Variants in TSPO observed in about 807,000 individuals in gnomAD.
The protein encoded by TSPO is benzodiazepine peripheral binding site.
In TSPO, 14 loss-of-function variants were observed where a neutral mutation model predicts 13.9. That is an observed-to-expected ratio of 1.01 (90% CI 0.67 to 1.58). The LOEUF is 1.58. TSPO is among the 40% of genes most tolerant of loss of function. TSPO has a pLI of 0.00. For missense variants in TSPO, 232 were observed against 229.6 expected, an observed-to-expected ratio of 1.01 and a Z score of -0.07; for synonymous variants, 114 against 105.9, an observed-to-expected ratio of 1.08 and a Z score of -0.47.
intron 1 of TSPO, among the ~76,000 whole-genome samples, chr22:43,153,418 C>A (rs1339220111): frequency 1.6e-5 from 1 of 64,422 alleles, no homozygotes; most frequent in Non-Finnish European, 3.1e-5. Context: ...GTGGCGCAAT[C>A]TCGGCTCACT....
chr22:43,161,062 T>C lies in TSPO; in HGVS notation c.193T>C (p.Tyr65His), dbSNP rs1931419721. ...TLYSAMGYGS[Y>H]LVWKELGGFT... ...CGGCCTCTGTTTCAGGTACGGCTCC[T>C]ACCTGGTCTGGAAAGAGCTGGGAGG... The change falls in exon 3 of 4, where the codon TAC becomes CAC. Residue 65 changes from tyrosine (Y) to histidine (H), a missense_variant. Coordinates refer to ENST00000337554, the MANE Select transcript of TSPO (RefSeq NM_000714.6). 3.1e-6 allele frequency: 5 copies of C among 1,613,780 alleles called. No homozygotes were observed. The highest frequency in any genetic ancestry group is 3.4e-6 in the Non-Finnish European group (4 of 1,179,804).
Position 43,157,288 on chromosome 22 carries a change from C to T in TSPO, c.-29-1922C>T, listed in dbSNP as rs1297048091. 2.1e-4 allele frequency among the ~76,000 whole-genome samples: 10 copies of T among 46,908 alleles called. No individual in the cohort carries two copies. In the East Asian group the frequency reaches 3.0e-3, roughly 14 times the overall value. The allele number at this position is 46,908 out of a possible 152,430, so 30.8% of individuals were successfully genotyped here. ...GAAGCTGGAGGGCGGGGCAGGAGGG[C>T]GGGGCGGGGCAGGAGGGAGGGGCGG... On this transcript the variant is annotated intron_variant, in intron 1 of 3. Transcript: ENST00000337554.
Position 43,162,959 on chromosome 22 carries a change from G to C in TSPO, c.478G>C (p.Gly160Arg). 6.3e-7 allele frequency: 1 copy of C among 1,594,188 alleles called. No individual in the cohort carries two copies. Among genetic ancestry groups the C allele is most frequent in the Middle Eastern group, 1.7e-4 (1 of 6,024 alleles). ...CTACTGCGTATGGCGGGACAACCAT[G>C]GCTGGCGTGGGGGACGGCGGCTGCC... ...LNYCVWRDNH[G>R]WRGGRRLPE is the part of the protein sequence containing the mutation. The change falls in exon 4 of 4, where the codon GGC becomes CGC. Residue 160 changes from glycine to arginine, a missense_variant. Physicochemically the swap from Gly to Arg is moderately radical, Grantham distance 125. Coordinates refer to ENST00000337554, the MANE Select transcript of TSPO (RefSeq NM_000714.6).
At chr22:43,152,975 T>C (rs954721189) in intron 1 of TSPO, among the ~76,000 whole-genome samples, 2 of 118,040 alleles carry the variant, frequency 1.7e-5, no homozygotes, top group African/African-American at 7.6e-5. Flanking sequence ...GGAGGGAGCC[T>C]ACTTTTCACT....
At chr22:43,154,279 G>A in intron 1 of TSPO, among the ~76,000 whole-genome samples, 1 of 152,148 alleles carries the variant, frequency 6.6e-6, no homozygotes, top group Non-Finnish European at 1.5e-5. Flanking sequence ...GTGCAGCTGG[G>A]GGTCGGGGTG....
At chr22:43,157,276 G>A (rs1330725503) in intron 1 of TSPO, among the ~76,000 whole-genome samples, 4 of 149,362 alleles carry the variant, frequency 2.7e-5, no homozygotes, top group Admixed American at 6.6e-5. Flanking sequence ...GCTGGAGGGC[G>A]GGGCAGGAGG....
rs558045908 is a variant in TSPO at position 43,151,585 on chromosome 22, G to C, written c.-49G>C. 6.6e-6 allele frequency: 1 copy of C among 152,378 alleles called. No homozygotes were observed. Among genetic ancestry groups the C allele is most frequent in the African/African-American group, 2.4e-5 (1 of 41,582 alleles). 9.4% of individuals were successfully genotyped at this position (152,378 alleles called of 1,614,324 possible). A position where few individuals can be genotyped will look rare whatever the true frequency, so the allele number is the denominator to read the frequency against. Reference sequence around the variant, plus strand: ...ACTCCTGCCAGGCAGTGCCCTTCCCGGAGCGTGCCCTCGCCGCTGGTGAGT... The same window carrying C: ...ACTCCTGCCAGGCAGTGCCCTTCCCCGAGCGTGCCCTCGCCGCTGGTGAGT... On this transcript the variant is annotated 5_prime_UTR_variant, in exon 1 of 4. Coordinates refer to ENST00000337554, the MANE Select transcript of TSPO (RefSeq NM_000714.6).
In TSPO at chr22:43,153,156, TTTTG is replaced by T. The variant is rs1253645931; in HGVS notation, c.-30+1565_-30+1568del. Among the ~76,000 whole-genome samples the T allele has an allele frequency of 2.2e-3, 326 of 146,706 alleles. 5 individuals are homozygous for T. The highest frequency in any genetic ancestry group is 8.5e-4 in the Non-Finnish European group (57 of 67,168). On this transcript the variant is annotated intron_variant, in intron 1 of 3. Coordinates refer to ENST00000337554, the MANE Select transcript of TSPO (RefSeq NM_000714.6). The stretch of plus-strand genomic sequence containing the variant: ...TCCCCTTCCTTCCTTCCTTTCTTGT[TTTTG>T]TTTGTTTGTTTGAGACAGGGTCTCA...
chr22:43,159,613 G>T (rs962407442), intron 2 of TSPO, 193 bp downstream of exon 2: 2 of 556,956 alleles, frequency 3.6e-6, no homozygotes, highest in African/African-American at 3.9e-5. Context: ...GGGCCCCTGG[G>T]GGGATGGGTC....
intron 2 of TSPO, 57 bp from the exon 3 acceptor site, chr22:43,160,995 G>A (rs1434328018): frequency 6.4e-7 from 1 of 1,562,776 alleles, no homozygotes; most frequent in African/African-American, 1.4e-5. Context: ...ACTCGGAGGT[G>A]GGCAACGCTC....
chr22:43,155,301 C>A (rs1034302346), intron 1 of TSPO, among the ~76,000 whole-genome samples: 1 of 152,164 alleles, frequency 6.6e-6, no homozygotes, highest in African/African-American at 2.4e-5. Context: ...AAGGCGGTGA[C>A]CGTCGGGATG....
chr22:43,154,156 G>T (rs943015720), intron 1 of TSPO, among the ~76,000 whole-genome samples: 1 of 152,008 alleles, frequency 6.6e-6, no homozygotes, highest in Non-Finnish European at 1.5e-5. Context: ...AATGAAAAAT[G>T]CACACAAAGG....
At chr22:43,152,961 G>T (rs1473542882) in intron 1 of TSPO, among the ~76,000 whole-genome samples, 3 of 111,986 alleles carry the variant, frequency 2.7e-5, no homozygotes, top group African/African-American at 1.2e-4. Flanking sequence ...GCTTGGGCTC[G>T]CAGGGAGGGA....
chr22:43,160,725 A>G (rs558786166), intron 2 of TSPO, among the ~76,000 whole-genome samples: 2 of 152,238 alleles, frequency 1.3e-5, no homozygotes, highest in East Asian at 1.9e-4. Flanking sequence ...CCCATCCTCT[A>G]TGCAGTGCCC....
Position 43,159,404 on chromosome 22 carries a change from C to T in TSPO, c.166C>T (p.Leu56Phe), listed in dbSNP as rs1039261487. 1 of 1,529,688 alleles carries T rather than the reference C, an allele frequency of 6.5e-7. No individual in the cohort carries two copies. The highest frequency in any genetic ancestry group is 8.8e-7 in the Non-Finnish European group (1 of 1,139,050). 94.8% of individuals were successfully genotyped at this position (1,529,688 alleles called of 1,614,324 possible). ...HWVLGPVWGT[L>F]YSAMGYGSYL... ...GGTGCTGGGCCCTGTCTGGGGCACG[C>T]TCTACTCAGCCATGGGGTAGGTGGG... Residue 56 changes from leucine (L) to phenylalanine (F), a missense_variant, in exon 2 of 4, where the codon CTC (leucine) becomes TTC (phenylalanine). Leu to Phe is a conservative substitution (Grantham distance 22). Coordinates refer to ENST00000337554, the MANE Select transcript of TSPO (RefSeq NM_000714.6).
chr22:43,158,435 G>C (rs773783515), intron 1 of TSPO, among the ~76,000 whole-genome samples: 12 of 152,150 alleles, frequency 7.9e-5, no homozygotes, highest in Non-Finnish European at 1.2e-4. Flanking sequence ...GACGACTCCT[G>C]ATTCTCCACC....
Position 43,163,116 on chromosome 22 carries a change from C to G in TSPO, c.*125C>G. 1 of 1,499,716 alleles carries G rather than the reference C, an allele frequency of 6.7e-7. No homozygotes were observed. The highest frequency in any genetic ancestry group is 8.9e-7 in the Non-Finnish European group (1 of 1,124,048). 92.9% of individuals were successfully genotyped at this position (1,499,716 alleles called of 1,614,324 possible). A position where few individuals can be genotyped will look rare whatever the true frequency, so the allele number is the denominator to read the frequency against. On this transcript the variant is annotated 3_prime_UTR_variant, in exon 4 of 4. Coordinates refer to ENST00000337554, the MANE Select transcript of TSPO (RefSeq NM_000714.6). ...GTCAGGGCCTTGGCCCAGGGGTCAG[C>G]AGAGCTTCAGAGGTGGCCCCACCTG...
In TSPO at chr22:43,163,061, C is replaced by A; in HGVS notation, c.*70C>A. 1 of 1,556,968 alleles carries A rather than the reference C, an allele frequency of 6.4e-7. No homozygotes were observed. Among genetic ancestry groups the A allele is most frequent in the Non-Finnish European group, 8.7e-7 (1 of 1,151,146 alleles). ...CACGCTTGTGATGTGGTGGCCGTCACGCTTTCATGACCACTGGGCCTGCTA... is the reference window on the plus strand; with the variant it reads ...CACGCTTGTGATGTGGTGGCCGTCAAGCTTTCATGACCACTGGGCCTGCTA... On this transcript the variant is annotated 3_prime_UTR_variant, in exon 4 of 4. Coordinates refer to ENST00000337554, the MANE Select transcript of TSPO (RefSeq NM_000714.6).
At chr22:43,160,424 A>C (rs1931398230) in intron 2 of TSPO, among the ~76,000 whole-genome samples, 1 of 152,142 alleles carries the variant, frequency 6.6e-6, no homozygotes, top group South Asian at 2.1e-4. Flanking sequence ...TCCTCACTGT[A>C]AAGGGGGTGC....
Sources: allele counts gnomAD v4.1 joint callset (sites outside exome capture counted in the v4.1 genomes callset), GRCh38; gene constraint gnomAD v4.1.1; transcripts MANE v1.5; gene names NCBI Gene and HGNC (gene_info 2026-07-23, HGNC 2026-07-21).